The following SMIM28 variants were observed in gnomAD, a reference collection of about 807,000 sequenced individuals.
SMIM28 encodes small integral membrane protein 28.
In SMIM28 at chr6:138,382,590, C is replaced by A. The variant is rs1474928793; in HGVS notation, c.202C>A (p.Leu68Met). The change falls in exon 2 of 2, where the codon CTG becomes ATG. Residue 68 changes from leucine to methionine, a missense_variant. Physicochemically the swap from Leu to Met is conservative, Grantham distance 15 (BLOSUM62 2). Coordinates refer to ENST00000573100, the MANE Select transcript of SMIM28 (RefSeq NM_001368163.3). ...PATILLFLAF[L>M]LLFLYRRCKS... ...CACCATCCTGCTCTTCCTGGCATTT[C>A]TGCTGCTGTTCCTGTACCGCCGCTG... The A allele has an allele frequency of 2.5e-6, 1 of 399,212 alleles. No homozygotes were observed. Among genetic ancestry groups the A allele is most frequent in the East Asian group, 3.6e-5 (1 of 28,076 alleles). The allele number at this position is 399,212 out of a possible 1,614,324, so 24.7% of individuals were successfully genotyped here.
chr6:138,381,842 A>C (rs1774315736), intron 1 of SMIM28, among the ~76,000 whole-genome samples: 1 of 152,252 alleles, frequency 6.6e-6, no homozygotes, highest in African/African-American at 2.4e-5. Flanking sequence ...ATAAATAGTA[A>C]GAATTTTCTT....
At position 138,378,697 on chromosome 6, in the gene SMIM28, A is replaced by G. The variant is rs567125084; in HGVS notation, c.111+514A>G. On this transcript the variant is annotated intron_variant, in intron 1 of 1. Transcript: ENST00000573100. ...CTGCTTTTGCTTTGTCTGGCAAATC[A>G]CCAGTGCAGTCTCCGTAGGAAGCAG... Among the ~76,000 whole-genome samples, 41 of 152,342 alleles carry G rather than the reference A, an allele frequency of 2.7e-4. No individual in the cohort carries two copies. In the South Asian group the frequency reaches 3.9e-3, roughly 15 times the overall value.
intron 1 of SMIM28, among the ~76,000 whole-genome samples, chr6:138,381,329 T>G (rs1180762398): frequency 1.3e-5 from 2 of 152,238 alleles, no homozygotes; most frequent in African/African-American, 4.8e-5. Flanking sequence ...CTTGTTACTA[T>G]ATGCTTTATA....
chr6:138,377,913 T>C lies in SMIM28; in HGVS notation c.-160T>C. 2.5e-6 allele frequency: 1 copy of C among 394,664 alleles called. No individual in the cohort carries two copies. Among genetic ancestry groups the C allele is most frequent in the Non-Finnish European group, 4.5e-6 (1 of 224,138 alleles). 24.4% of individuals were successfully genotyped at this position (394,664 alleles called of 1,614,324 possible). ...AACAGTCAGTCCTGAGAGGTCTCTC[T>C]GGTTGGTTTCTTTCCCCTGTTGCCA... On this transcript the variant is annotated 5_prime_UTR_variant, in exon 1 of 2. Coordinates refer to ENST00000573100, the MANE Select transcript of SMIM28 (RefSeq NM_001368163.3).
intron 1 of SMIM28, among the ~76,000 whole-genome samples, chr6:138,379,478 T>C (rs1037841852): frequency 5.3e-5 from 8 of 152,190 alleles, no homozygotes; most frequent in Non-Finnish European, 1.2e-4. Flanking sequence ...TATGATATAA[T>C]AGAGAATTTA....
chr6:138,379,262 C>T (rs1230418041), intron 1 of SMIM28, among the ~76,000 whole-genome samples: 1 of 152,166 alleles, frequency 6.6e-6, no homozygotes, highest in Admixed American at 6.5e-5. Context: ...TAAAAGTCTT[C>T]TAATGCCACT....
chr6:138,379,461 G>A (rs943596465), intron 1 of SMIM28, among the ~76,000 whole-genome samples: 1 of 152,126 alleles, frequency 6.6e-6, no homozygotes, highest in Non-Finnish European at 1.5e-5. Flanking sequence ...TATGCATACT[G>A]ACTTTCTATG....
At chr6:138,382,396 CAAAAAAAA>C (rs59155652) in intron 1 of SMIM28, 96 bp from the exon 2 acceptor site, 6 of 138,880 alleles carry the variant, frequency 4.3e-5, no homozygotes, top group East Asian at 1.8e-4. Context: ...GACTGTGTCT[CAAAAAAAA>C]AAAAAAAAAA....
In SMIM28 at chr6:138,383,130, G is replaced by T; in HGVS notation, c.*283G>T. On this transcript the variant is annotated 3_prime_UTR_variant, in exon 2 of 2. Coordinates refer to ENST00000573100, the MANE Select transcript of SMIM28 (RefSeq NM_001368163.3). ...CTCTCCTAAAATGTATAACACTCCTGAGAAAAAAAGGAAAGTTCTATGTGA... is the reference window on the plus strand; with the variant it reads ...CTCTCCTAAAATGTATAACACTCCTTAGAAAAAAAGGAAAGTTCTATGTGA... The T allele has an allele frequency of 1.3e-5, 3 of 223,768 alleles. No individual in the cohort carries two copies. Among genetic ancestry groups the T allele is most frequent in the East Asian group, 8.4e-5 (1 of 11,864 alleles). The allele number at this position is 223,768 out of a possible 1,614,324, so 13.9% of individuals were successfully genotyped here.
At chr6:138,378,873 A>C (rs1322162097) in intron 1 of SMIM28, among the ~76,000 whole-genome samples, 1 of 152,206 alleles carries the variant, frequency 6.6e-6, no homozygotes, top group African/African-American at 2.4e-5. Context: ...ATTAGTATTT[A>C]AGTTCTCCAA....
At chr6:138,378,265 T>A (rs918453487) in intron 1 of SMIM28, 82 bp downstream of exon 1, 1 of 397,528 alleles carries the variant, frequency 2.5e-6, no homozygotes, top group Non-Finnish European at 4.4e-6. Flanking sequence ...GGTTTTAGGA[T>A]CATAAAATGT....
intron 1 of SMIM28, among the ~76,000 whole-genome samples, chr6:138,378,551 T>C (rs1774281765): frequency 1.3e-5 from 2 of 152,204 alleles, no homozygotes; most frequent in Admixed American, 6.5e-5. Flanking sequence ...TAAGAGCCTC[T>C]CTTTGGTCCT....
rs1341597070 is a variant in SMIM28, at chr6:138,383,038, A to G, written c.*191A>G. Reference sequence around the variant, plus strand: ...CTGAGGGCAAAGCTTGGCAAATGCCAATCTGGTTAACCTATCTTCACATTC... The same window carrying G: ...CTGAGGGCAAAGCTTGGCAAATGCCGATCTGGTTAACCTATCTTCACATTC... On this transcript the variant is annotated 3_prime_UTR_variant, in exon 2 of 2. Coordinates refer to ENST00000573100, the MANE Select transcript of SMIM28 (RefSeq NM_001368163.3). 2 of 389,016 alleles carry G rather than the reference A, an allele frequency of 5.1e-6. No individual in the cohort carries two copies. The highest frequency in any genetic ancestry group is 9.1e-6 in the Non-Finnish European group (2 of 220,616). The allele number at this position is 389,016 out of a possible 1,614,324, so 24.1% of individuals were successfully genotyped here.
chr6:138,381,867 A>G (rs1454544708), intron 1 of SMIM28, among the ~76,000 whole-genome samples: 2 of 152,268 alleles, frequency 1.3e-5, no homozygotes, highest in East Asian at 3.8e-4. Flanking sequence ...GAAAATGAAC[A>G]GCGGACCTAC....
intron 1 of SMIM28, among the ~76,000 whole-genome samples, chr6:138,380,328 A>C (rs549376928): frequency 5.3e-5 from 8 of 152,360 alleles, no homozygotes; most frequent in African/African-American, 1.4e-4. Flanking sequence ...TTTAAGCTAA[A>C]ATATCTTAAT....
Position 138,382,585 on chromosome 6 carries a change from C to T in SMIM28, c.197C>T (p.Ala66Val), listed in dbSNP as rs1774326889. 2.5e-6 allele frequency: 1 copy of T among 399,204 alleles called. No individual in the cohort carries two copies. Among genetic ancestry groups the T allele is most frequent in the Non-Finnish European group, 4.4e-6 (1 of 226,638 alleles). 24.7% of individuals were successfully genotyped at this position (399,204 alleles called of 1,614,324 possible). A position where few individuals can be genotyped will look rare whatever the true frequency, so the allele number is the denominator to read the frequency against. The change falls in exon 2 of 2, where the codon GCA becomes GTA. Residue 66 changes from alanine (A) to valine (V), a missense_variant. Ala to Val is a moderately conservative substitution (Grantham distance 64). Transcript: ENST00000573100. The part of the protein sequence containing the change: ...LLPATILLFL[A>V]FLLLFLYRRC... The stretch of plus-strand genomic sequence containing the variant: ...CCGGCCACCATCCTGCTCTTCCTGG[C>T]ATTTCTGCTGCTGTTCCTGTACCGC...
chr6:138,382,434 A>G (rs540966983), intron 1 of SMIM28, 66 bp from the exon 2 acceptor site: 177 of 394,084 alleles, frequency 4.5e-4, no homozygotes, highest in South Asian at 2.3e-3. Flanking sequence ...AAGAAAGAAA[A>G]AAAAAAAAAG....
chr6:138,382,266 G>A (rs566029299), intron 1 of SMIM28, among the ~76,000 whole-genome samples: 6 of 151,948 alleles, frequency 3.9e-5, no homozygotes, highest in South Asian at 4.2e-4. Context: ...GCGTGGTGGC[G>A]CATGCCTGTA....
chr6:138,383,000 G>A lies in SMIM28; in HGVS notation c.*153G>A. On this transcript the variant is annotated 3_prime_UTR_variant, in exon 2 of 2. Transcript: ENST00000573100. ...TATTCATTGGCCAACCTCTGACAAT[G>A]GGGCACTTCAGGCTGAGGGCAAAGC... 5.1e-6 allele frequency: 2 copies of A among 395,368 alleles called. No individual in the cohort carries two copies. Among genetic ancestry groups the A allele is most frequent in the Non-Finnish European group, 4.5e-6 (1 of 224,570 alleles). 24.5% of individuals were successfully genotyped at this position (395,368 alleles called of 1,614,324 possible).
Sources: allele counts gnomAD v4.1 joint callset (sites outside exome capture counted in the v4.1 genomes callset), GRCh38; gene constraint gnomAD v4.1.1; transcripts MANE v1.5; gene names NCBI Gene and HGNC (gene_info 2026-07-23, HGNC 2026-07-21).